The following IL23R variants were observed in gnomAD, a reference collection of about 807,000 sequenced individuals.
The protein encoded by IL23R is interleukin 23 receptor, also known as interleukin-23 receptor.
Under a neutral mutation model 56.9 loss-of-function variants are expected in IL23R, and 34 were observed. That is an observed-to-expected ratio of 0.60 (90% CI 0.45 to 0.80). The LOEUF (loss-of-function observed/expected upper bound fraction) is 0.80, where lower values mean the gene tolerates loss of function less well. Among genes scored for constraint, IL23R ranks in the 30% least tolerant of loss-of-function variants. The pLI is 0.00. For missense variants in IL23R, 635 were observed against 730.0 expected (o/e 0.87, Z 1.50); for synonymous variants, 230 against 249.2 (o/e 0.92, Z 0.73).
At chr1:67,157,170 T>C (rs1646776543) in intron 1 of IL23R, among the ~76,000 whole-genome samples, 1 of 152,178 alleles carries the variant, frequency 6.6e-6, no homozygotes, top group African/African-American at 2.4e-5. Flanking sequence ...GTACCTCAGT[T>C]GCAAATGCAG....
At position 67,146,322 on chromosome 1, in the gene IL23R, G is replaced by A. The variant is rs148487532; in HGVS notation, c.-634+7161G>A. Among the ~76,000 whole-genome samples the A allele has an allele frequency of 2.6e-4, 40 of 152,236 alleles. No homozygotes were observed. The East Asian group carries it at 6.4e-3, about 24-fold the overall frequency. ...GCCTGTCGATGTCTATGCTAATGCC[G>A]CTGGTACCTGATGTTGAGGGTGCAG... On this transcript the variant is annotated intron_variant, in intron 1 of 10. Coordinates refer to the IL23R transcript ENST00000637002.
downstream of IL23R, among the ~76,000 whole-genome samples, chr1:67,262,097 G>T (rs970742991): frequency 4.6e-5 from 7 of 152,196 alleles, no homozygotes; most frequent in African/African-American, 1.4e-4. Flanking sequence ...AAACTTCGCG[G>T]GGGAGAAAGG....
chr1:67,242,405 T>C (rs541202885), intron 9 of IL23R, among the ~76,000 whole-genome samples: 1 of 152,294 alleles, frequency 6.6e-6, no homozygotes, highest in African/African-American at 2.4e-5. Context: ...CCCTTTTCAC[T>C]TCTATTGTTC....
At position 67,233,929 on chromosome 1, in the gene IL23R, C is replaced by CTGTG. The variant is rs57455484; in HGVS notation, c.956-2743_956-2740dup. ...AAAAAACAGTTTCCAGTCATAAAGG[C>CTGTG]TGTGTGTGTGTGTGTGTGTGTGTGT... On this transcript the variant is annotated intron_variant, in intron 7 of 10. Transcript: ENST00000347310. Among the ~76,000 whole-genome samples, 323 of 138,760 alleles carry CTGTG rather than the reference C, an allele frequency of 2.3e-3. 1 individual carries two copies. The highest frequency in any genetic ancestry group is 5.2e-3 in the South Asian group (20 of 3,812). The allele number at this position is 138,760 out of a possible 152,430, so 91.0% of individuals were successfully genotyped here.
intron 10 of IL23R, 113 bp from the exon 11 acceptor site, chr1:67,258,365 A>C (rs1300878171): frequency 2.8e-6 from 2 of 715,120 alleles, no homozygotes; most frequent in African/African-American, 3.5e-5. Context: ...AATATGAGAA[A>C]ATGGAGGGAG....
chr1:67,190,539 G>A (rs1647666637), intron 4 of IL23R, among the ~76,000 whole-genome samples: 1 of 150,920 alleles, frequency 6.6e-6, no homozygotes, highest in Admixed American at 6.6e-5. Context: ...TATTTATCTT[G>A]GAAACACTGG....
chr1:67,209,753 T>C (rs891082876), intron 6 of IL23R, among the ~76,000 whole-genome samples: 5 of 152,238 alleles, frequency 3.3e-5, no homozygotes, highest in African/African-American at 4.8e-5. Flanking sequence ...GATTTTCTGT[T>C]CCTGTGTTAA....
chr1:67,169,440 A>G lies in IL23R; in HGVS notation c.169A>G (p.Lys57Glu), dbSNP rs779308889. The G allele has an allele frequency of 2.5e-6, 4 of 1,613,726 alleles. No homozygotes were observed. The highest frequency in any genetic ancestry group is 3.4e-6 in the Non-Finnish European group (4 of 1,179,592). ...NISIYCQAAIKNCQPRKLHFY... is the reference protein window; with the variant it reads ...NISIYCQAAIENCQPRKLHFY... ...CTCTATATATTGCCAAGCAGCAATTAAGAACTGCCAACCAAGGAAACTTCA... is the reference window on the plus strand; with the variant it reads ...CTCTATATATTGCCAAGCAGCAATTGAGAACTGCCAACCAAGGAAACTTCA... The change falls in exon 3 of 11, where the codon AAG becomes GAG. Residue 57 changes from lysine (K) to glutamate (E), a missense_variant. By Grantham distance (56) the Lys-to-Glu change is moderately conservative. Transcript: ENST00000347310.
intron 7 of IL23R, among the ~76,000 whole-genome samples, chr1:67,232,528 C>G (rs948060215): frequency 5.3e-5 from 8 of 152,224 alleles, no homozygotes; most frequent in African/African-American, 1.7e-4. Flanking sequence ...GGAATTTCCA[C>G]TCTTCACCCT....
intron 6 of IL23R, among the ~76,000 whole-genome samples, chr1:67,208,898 GC>G (rs1204156993): frequency 6.6e-6 from 1 of 152,142 alleles, no homozygotes; most frequent in African/African-American, 2.4e-5. Context: ...CTCAATACCA[GC>G]CCATGAAAGC....
At chr1:67,224,218 C>A (rs1475340401) in intron 7 of IL23R, among the ~76,000 whole-genome samples, 1 of 152,124 alleles carries the variant, frequency 6.6e-6, no homozygotes, top group Non-Finnish European at 1.5e-5. Context: ...TAAATAAAAG[C>A]AGTAAGAATC....
chr1:67,261,832 T>A (rs1653213655), downstream of IL23R, among the ~76,000 whole-genome samples: 1 of 152,246 alleles, frequency 6.6e-6, no homozygotes, highest in African/African-American at 2.4e-5. Context: ...CATTGTTTGA[T>A]CTTCTGCAAA....
intron 4 of IL23R, among the ~76,000 whole-genome samples, chr1:67,199,012 T>C (rs1347510721): frequency 3.3e-5 from 5 of 152,128 alleles, no homozygotes; most frequent in African/African-American, 4.8e-5. Flanking sequence ...TCTGGATTAT[T>C]GTATAGCCTT....
At chr1:67,195,602 G>T (rs756423718) in intron 4 of IL23R, among the ~76,000 whole-genome samples, 1 of 152,006 alleles carries the variant, frequency 6.6e-6, no homozygotes, top group Non-Finnish European at 1.5e-5. Context: ...TACCCTCCTC[G>T]TCCTCTCATG....
chr1:67,204,431 A>G (rs1349846165), intron 5 of IL23R, among the ~76,000 whole-genome samples: 1 of 152,252 alleles, frequency 6.6e-6, no homozygotes, highest in Non-Finnish European at 1.5e-5. Flanking sequence ...TCAAGTATGT[A>G]TTACATAATA....
chr1:67,224,381 C>T (rs1650484635), intron 7 of IL23R, among the ~76,000 whole-genome samples: 1 of 152,220 alleles, frequency 6.6e-6, no homozygotes, highest in Non-Finnish European at 1.5e-5. Flanking sequence ...TGAAGAAACA[C>T]AGCCCAGGCA....
intron 7 of IL23R, among the ~76,000 whole-genome samples, chr1:67,227,180 A>G (rs896204583): frequency 1.3e-5 from 2 of 152,274 alleles, no homozygotes; most frequent in Non-Finnish European, 2.9e-5. Context: ...CTGAAAATGT[A>G]TAAGTCAGTA....
chr1:67,250,470 C>A (rs1652537659), intron 9 of IL23R, among the ~76,000 whole-genome samples: 1 of 152,166 alleles, frequency 6.6e-6, no homozygotes, highest in Non-Finnish European at 1.5e-5. Context: ...TATTGAGAAT[C>A]TAATGCCTCC....
rs1442094471 is a variant in IL23R, at chr1:67,258,910, T to C, written c.1672T>C (p.Cys558Arg). 5.0e-6 allele frequency: 8 copies of C among 1,613,100 alleles called. No individual in the cohort carries two copies. The highest frequency in any genetic ancestry group is 1.3e-5 in the African/African-American group (1 of 74,908). Residue 558 changes from cysteine to arginine, a missense_variant, in exon 11 of 11, where the codon TGC becomes CGC. Physicochemically the swap from Cys to Arg is radical, Grantham distance 180 (BLOSUM62 -3). Transcript: ENST00000347310. ...ELSLILNQGE[C>R]SSPDIQNSVE... is the part of the protein sequence containing the mutation. ...AAGCCTCATATTAAATCAAGGAGAATGCAGTTCTCCTGACATACAAAACTC... is the reference window on the plus strand; with the variant it reads ...AAGCCTCATATTAAATCAAGGAGAACGCAGTTCTCCTGACATACAAAACTC...
Sources: gnomAD v4.1 joint callset for allele counts (sites outside exome capture counted in the v4.1 genomes callset) on GRCh38, gnomAD v4.1.1 for gene constraint, MANE v1.5 for transcripts, NCBI Gene and HGNC (gene_info 2026-07-23, HGNC 2026-07-21) for gene names.